The following KCTD16 variants were observed in gnomAD, a reference collection of about 807,000 sequenced individuals.
KCTD16 encodes the protein potassium channel tetramerization domain containing 16, also known as BTB/POZ domain-containing protein KCTD16.
A neutral mutation model predicts 33.2 loss-of-function variants in KCTD16; 13 were observed. The ratio of observed to expected loss-of-function variants is 0.39; its 90% CI spans 0.25 to 0.62. KCTD16 has a LOEUF of 0.62. KCTD16 is among the 20% of genes least tolerant of loss of function. The probability of loss-of-function intolerance (pLI) is 0.50; values close to 1 mark genes in which losing one functional copy is unlikely to be tolerated. For synonymous variants in KCTD16, 197 were observed against 195.3 expected (o/e 1.01, Z -0.07); for missense variants, 441 against 525.1 (o/e 0.84, Z 1.57).
At chr5:144,193,096 A>T (rs575287896) in intron 2 of KCTD16, among the ~76,000 whole-genome samples, 5 of 152,334 alleles carry the variant, frequency 3.3e-5, no homozygotes, top group African/African-American at 9.6e-5. Context: ...GGTCTGAGAC[A>T]TCATCATATA....
chr5:144,174,413 A>AGG lies in KCTD16; in HGVS notation c.-385_-384insGG, dbSNP rs1752459412. 1 of 151,942 alleles carries AGG rather than the reference A, an allele frequency of 6.6e-6. No homozygotes were observed. The highest frequency in any genetic ancestry group is 1.5e-5 in the Non-Finnish European group (1 of 67,960). The allele number at this position is 151,942 out of a possible 1,614,324, so 9.4% of individuals were successfully genotyped here. On this transcript the variant is annotated 5_prime_UTR_variant, in exon 2 of 4. It removes the in-frame stop codon of an upstream open reading frame in the 5' UTR. Transcript: ENST00000512467. ...GCATCACATGAAGTGGAGATCTGGCAGCTCTGTGTATTTCAGTCAAGTTCC... is the reference window on the plus strand; with the variant it reads ...GCATCACATGAAGTGGAGATCTGGCAGGGCTCTGTGTATTTCAGTCAAGTTCC...
intron 3 of KCTD16, among the ~76,000 whole-genome samples, chr5:144,299,124 A>ATCAC (rs1485750619): frequency 4.3e-5 from 1 of 23,026 alleles, no homozygotes; most frequent in Non-Finnish European, 7.0e-5. Flanking sequence ...ATATATATAT[A>ATCAC]TATATATATA....
At chr5:144,357,819 G>A (rs571199109) in intron 3 of KCTD16, among the ~76,000 whole-genome samples, 6 of 152,152 alleles carry the variant, frequency 3.9e-5, no homozygotes, top group African/African-American at 1.4e-4. Context: ...TTATTTTCTA[G>A]GAAGGTCTTT....
chr5:144,372,709 G>T (rs998586669), intron 3 of KCTD16, among the ~76,000 whole-genome samples: 5 of 152,168 alleles, frequency 3.3e-5, no homozygotes, highest in African/African-American at 1.2e-4. Context: ...GGTGATGGGA[G>T]GCAAGGTCTG....
intron 3 of KCTD16, among the ~76,000 whole-genome samples, chr5:144,381,706 A>G (rs1225514774): frequency 6.6e-6 from 1 of 152,206 alleles, no homozygotes; most frequent in Non-Finnish European, 1.5e-5. Flanking sequence ...TAAGAGATCC[A>G]TCCCCATGAT....
intron 3 of KCTD16, among the ~76,000 whole-genome samples, chr5:144,304,977 C>CTTTTTTTTTTTTTTTTTTTTTTTTTTTT (rs146638360): frequency 1.2e-5 from 1 of 83,416 alleles, no homozygotes. Flanking sequence ...ATATCAAAAT[C>CTTTTTTTTTTTTTTTTTTTTTTTTTTTT]TTTTTTTTTT....
At chr5:144,240,610 C>G (rs187712649) in intron 3 of KCTD16, among the ~76,000 whole-genome samples, 2 of 152,240 alleles carry the variant, frequency 1.3e-5, no homozygotes, top group East Asian at 3.9e-4. Context: ...CTAATATTCT[C>G]TTTCTGTTAG....
chr5:144,400,065 T>C (rs1033922865), intron 3 of KCTD16, among the ~76,000 whole-genome samples: 1 of 152,240 alleles, frequency 6.6e-6, no homozygotes, highest in Non-Finnish European at 1.5e-5. Context: ...ATATTGATTA[T>C]TTTTGCATGA....
At chr5:144,325,312 T>C (rs1752177255) in intron 3 of KCTD16, among the ~76,000 whole-genome samples, 1 of 152,150 alleles carries the variant, frequency 6.6e-6, no homozygotes, top group Non-Finnish European at 1.5e-5. Context: ...CCTGTTTGGC[T>C]CTAGAAGAAC....
At chr5:144,364,156 A>G (rs921178754) in intron 3 of KCTD16, among the ~76,000 whole-genome samples, 1 of 152,188 alleles carries the variant, frequency 6.6e-6, no homozygotes, top group Non-Finnish European at 1.5e-5. Context: ...TCCAAACCAA[A>G]TTCAAGCCCC....
chr5:144,347,237 A>G (rs1169008574), intron 3 of KCTD16, among the ~76,000 whole-genome samples: 2 of 152,194 alleles, frequency 1.3e-5, no homozygotes, highest in African/African-American at 4.8e-5. Flanking sequence ...AAATAGCCAC[A>G]TGGAACTAAT....
chr5:144,425,288 A>G (rs1002905458), intron 3 of KCTD16, among the ~76,000 whole-genome samples: 3 of 152,078 alleles, frequency 2.0e-5, no homozygotes, highest in Non-Finnish European at 4.4e-5. Flanking sequence ...CTTTGACTCC[A>G]TGTCCTGTTT....
intron 3 of KCTD16, among the ~76,000 whole-genome samples, chr5:144,418,894 C>T (rs1308257416): frequency 6.6e-6 from 1 of 152,102 alleles, no homozygotes; most frequent in Non-Finnish European, 1.5e-5. Context: ...AAGTTATACA[C>T]CCTAACTTTT....
At chr5:144,208,497 G>C (rs189361481) in intron 3 of KCTD16, among the ~76,000 whole-genome samples, 1 of 152,198 alleles carries the variant, frequency 6.6e-6, no homozygotes, top group Non-Finnish European at 1.5e-5. Context: ...TTTAACTGCC[G>C]ATTTTCAACA....
chr5:144,278,845 T>A (rs1252651752), intron 3 of KCTD16, among the ~76,000 whole-genome samples: 1 of 152,164 alleles, frequency 6.6e-6, no homozygotes, highest in Non-Finnish European at 1.5e-5. Context: ...CTACCTCCAA[T>A]AATAATCCTG....
intron 3 of KCTD16, among the ~76,000 whole-genome samples, chr5:144,307,473 G>A (rs1054334612): frequency 2.6e-5 from 4 of 152,092 alleles, no homozygotes; most frequent in South Asian, 2.1e-4. Context: ...CATTTATTGG[G>A]TATTCACTAT....
intron 2 of KCTD16, among the ~76,000 whole-genome samples, chr5:144,178,592 A>G (rs1207570148): frequency 2.0e-5 from 3 of 152,150 alleles, no homozygotes; most frequent in Non-Finnish European, 4.4e-5. Flanking sequence ...ATTTTATACA[A>G]TTTAATGAAA....
At chr5:144,346,229 TACC>T (rs1752797757) in intron 3 of KCTD16, among the ~76,000 whole-genome samples, 1 of 152,192 alleles carries the variant, frequency 6.6e-6, no homozygotes, top group Non-Finnish European at 1.5e-5. Context: ...TGTGTATATG[TACC>T]ACATTTTCTT....
At chr5:144,284,656 A>G (rs1312369341) in intron 3 of KCTD16, among the ~76,000 whole-genome samples, 1 of 152,168 alleles carries the variant, frequency 6.6e-6, no homozygotes, top group East Asian at 1.9e-4. Flanking sequence ...ATATTTTGTT[A>G]CTTATAAAAA....
Sources: allele counts gnomAD v4.1 joint callset (sites outside exome capture counted in the v4.1 genomes callset), GRCh38; gene constraint gnomAD v4.1.1; transcripts MANE v1.5; gene names NCBI Gene and HGNC (gene_info 2026-07-23, HGNC 2026-07-21).